EXD2: variants seen among roughly 807,000 people sequenced by gnomAD.
The protein encoded by EXD2 is exonuclease 3'-5' domain-containing protein 2.
In EXD2, 40 loss-of-function variants were observed where a neutral mutation model predicts 62.5. The observed-to-expected ratio is 0.64, with a 90% confidence interval of 0.50 to 0.83. The LOEUF is 0.83. Among genes scored for constraint, EXD2 ranks in the 40% least tolerant of loss-of-function variants. The probability of loss-of-function intolerance (pLI) is 0.00; values close to 1 mark genes in which losing one functional copy is unlikely to be tolerated. For synonymous variants in EXD2, 239 were observed against 291.9 expected (o/e 0.82, Z 1.85); for missense variants, 671 against 761.8 (o/e 0.88, Z 1.40).
At position 69,241,029 on chromosome 14, in the gene EXD2, T is replaced by C. The variant is rs1308899213; in HGVS notation, c.1795T>C (p.Trp599Arg). 3 of 1,612,916 alleles carry C rather than the reference T, an allele frequency of 1.9e-6. No individual in the cohort carries two copies. Among genetic ancestry groups the C allele is most frequent in the South Asian group, 1.1e-5 (1 of 91,022 alleles). Residue 599 changes from tryptophan (W) to arginine (R), a missense_variant, in exon 10 of 10, where the codon TGG becomes CGG. By Grantham distance (101) the Trp-to-Arg change is moderately radical. Coordinates refer to ENST00000685843, the MANE Select transcript of EXD2 (RefSeq NM_001193360.2). Reference sequence around the variant, plus strand: ...GCAGCCCAAGCACCTGCCCCAGCAGTGGTCAGTGGACCACAACCATCAGAA... The same window carrying C: ...GCAGCCCAAGCACCTGCCCCAGCAGCGGTCAGTGGACCACAACCATCAGAA... ...SMQPKHLPQQ[W>R]SVDHNHQKLL...
intron 5 of EXD2, among the ~76,000 whole-genome samples, chr14:69,232,354 G>A (rs2043615817): frequency 6.6e-6 from 1 of 152,072 alleles, no homozygotes; most frequent in African/African-American, 2.4e-5. Flanking sequence ...ATGCTTTCCT[G>A]GTCTCTGTGG....
chr14:69,229,086 G>A lies in EXD2; in HGVS notation c.590+14G>A. 6.2e-7 allele frequency: 1 copy of A among 1,611,920 alleles called. No homozygotes were observed. The highest frequency in any genetic ancestry group is 1.3e-5 in the African/African-American group (1 of 74,996). On this transcript the variant is annotated intron_variant, in intron 4 of 9. Coordinates refer to ENST00000685843, the MANE Select transcript of EXD2 (RefSeq NM_001193360.2). ...CATGCGGCAGAGGTGTGGTTTGTAT[G>A]AATGCTGGGATTCCTATAGCTGCGG... is the stretch of plus-strand genomic sequence containing the variant.
intron 3 of EXD2, among the ~76,000 whole-genome samples, chr14:69,216,018 C>A (rs1316888153): frequency 6.6e-6 from 1 of 152,152 alleles, no homozygotes. Context: ...TTTCCCTATA[C>A]ACAGTCATGA....
In EXD2 at chr14:69,236,130, G is replaced by T; in HGVS notation, c.1134G>T (p.Trp378Cys). 6.2e-7 allele frequency: 1 copy of T among 1,614,054 alleles called. No homozygotes were observed. Among genetic ancestry groups the T allele is most frequent in the Non-Finnish European group, 8.5e-7 (1 of 1,179,920 alleles). ...LCTCDRRKAQ[W>C]YLDKGIGELV... ...CTTGTGATAGAAGAAAAGCTCAGTG[G>T]TACCTGGACAAAGGCATTGGTGGTA... is the stretch of plus-strand genomic sequence containing the variant. The change falls in exon 7 of 10, where the codon TGG becomes TGT. Residue 378 changes from tryptophan to cysteine, a missense_variant. By Grantham distance (215) the Trp-to-Cys change is radical. Transcript: ENST00000685843.
chr14:69,209,061 A>T (rs2042715329), intron 2 of EXD2: 1 of 153,436 alleles, frequency 6.5e-6, no homozygotes, highest in African/African-American at 2.4e-5. Context: ...TAAAAAATTC[A>T]TTCATTAATC....
At chr14:69,210,327 A>G (rs142743388) in intron 3 of EXD2, 18 of 154,572 alleles carry the variant, frequency 1.2e-4, no homozygotes, top group African/African-American at 4.3e-4. Flanking sequence ...TTAAAAGATA[A>G]CAGTTAACAT....
intron 1 of EXD2, among the ~76,000 whole-genome samples, chr14:69,196,689 T>A (rs115309412): frequency 0.011 from 1,678 of 151,322 alleles, 35 homozygotes; most frequent in African/African-American, 0.038. Flanking sequence ...AGTGGAGTGA[T>A]CAAAGCTTAC....
intron 2 of EXD2, among the ~76,000 whole-genome samples, chr14:69,206,947 C>G (rs2042625743): frequency 6.6e-6 from 1 of 152,156 alleles, no homozygotes; most frequent in Admixed American, 6.5e-5. Flanking sequence ...CTCAGATTAC[C>G]TTAATCAGCA....
At chr14:69,236,224 T>C (rs780528021) in intron 7 of EXD2, 72 bp downstream of exon 7, 5 of 1,515,202 alleles carry the variant, frequency 3.3e-6, no homozygotes, top group Non-Finnish European at 3.7e-6. Context: ...GGGAGTGAGA[T>C]AAGGAAGAGG....
intron 1 of EXD2, chr14:69,196,195 C>T (rs2042198396): frequency 1.3e-5 from 2 of 152,202 alleles, no homozygotes; most frequent in Non-Finnish European, 2.9e-5. Context: ...TGTTTCTTCT[C>T]CTCCTCCTGT....
chr14:69,236,336 G>A, intron 7 of EXD2, 71 bp from the exon 8 acceptor site: 2 of 1,609,558 alleles, frequency 1.2e-6, no homozygotes, highest in Non-Finnish European at 1.7e-6. Flanking sequence ...AACAGTGAAG[G>A]TAGTGCTGCT....
At position 69,242,723 on chromosome 14, in the gene EXD2, C is replaced by T. The variant is rs1051933120; in HGVS notation, c.*1623C>T. Reference sequence around the variant, plus strand: ...GCGGAGCCCAGGAGTGGAGGAGAGCCGTGGAAATAGACAGGGAGAGGCTGG... The same window carrying T: ...GCGGAGCCCAGGAGTGGAGGAGAGCTGTGGAAATAGACAGGGAGAGGCTGG... On this transcript the variant is annotated 3_prime_UTR_variant, in exon 10 of 10. Coordinates refer to ENST00000685843, the MANE Select transcript of EXD2 (RefSeq NM_001193360.2). 6.6e-6 allele frequency: 1 copy of T among 152,060 alleles called. No homozygotes were observed. The highest frequency in any genetic ancestry group is 2.4e-5 in the African/African-American group (1 of 41,400). 9.4% of individuals were successfully genotyped at this position (152,060 alleles called of 1,614,324 possible).
intron 5 of EXD2, among the ~76,000 whole-genome samples, chr14:69,232,294 C>G (rs1285681121): frequency 4.6e-5 from 7 of 152,152 alleles, no homozygotes; most frequent in Non-Finnish European, 8.8e-5. Context: ...TTCACCTTAT[C>G]CTTCTGTTTC....
At chr14:69,202,690 C>G (rs1890944) in intron 1 of EXD2, among the ~76,000 whole-genome samples, 108,071 of 152,150 alleles carry the variant, frequency 0.71, 39,357 homozygotes, top group East Asian at 0.94. Context: ...ATTAATAAAA[C>G]CGTATGTTAG....
At chr14:69,208,864 CAG>C (rs1484201812) in intron 2 of EXD2, 2 of 152,198 alleles carry the variant, frequency 1.3e-5, no homozygotes, top group Non-Finnish European at 2.9e-5. Context: ...TCTGGAGCAA[CAG>C]AAAGTGTTGA....
chr14:69,232,073 T>G (rs1211312761), intron 5 of EXD2, among the ~76,000 whole-genome samples: 1 of 152,166 alleles, frequency 6.6e-6, no homozygotes, highest in African/African-American at 2.4e-5. Context: ...GTTTTAACAT[T>G]CAATGTGTAA....
intron 1 of EXD2, among the ~76,000 whole-genome samples, chr14:69,193,894 C>T (rs1317415939): frequency 2.0e-5 from 3 of 152,044 alleles, no homozygotes; most frequent in Non-Finnish European, 4.4e-5. Flanking sequence ...AGCGAGGGTG[C>T]TGCTAAACAT....
chr14:69,236,241 T>C, intron 7 of EXD2, 89 bp downstream of exon 7: 5 of 1,499,498 alleles, frequency 3.3e-6, no homozygotes, highest in Non-Finnish European at 4.6e-6. Flanking sequence ...GAGGGAGGGA[T>C]AGAAGAAGGC....
intron 1 of EXD2, 185 bp downstream of exon 1, chr14:69,191,776 G>C (rs1273209949): frequency 2.0e-5 from 3 of 152,388 alleles, no homozygotes; most frequent in Non-Finnish European, 4.4e-5. Context: ...CCCTCGGCGT[G>C]ACCCCCTCGC....
Sources: allele counts gnomAD v4.1 joint callset (sites outside exome capture counted in the v4.1 genomes callset), GRCh38; gene constraint gnomAD v4.1.1; transcripts MANE v1.5; gene names NCBI Gene and HGNC (gene_info 2026-07-23, HGNC 2026-07-21).